SLC16A7: variants seen among roughly 807,000 people sequenced by gnomAD.
SLC16A7 encodes monocarboxylate transporter 2.
In SLC16A7, 33 loss-of-function variants were observed where a neutral mutation model predicts 34.9. That is an observed-to-expected ratio of 0.94 (90% confidence interval 0.72 to 1.26). The LOEUF is 1.26. Among genes scored for constraint, SLC16A7 ranks in the 50% most tolerant of loss-of-function variants. The pLI is 0.00. For synonymous variants in SLC16A7, 201 were observed against 206.6 expected, an observed-to-expected ratio of 0.97 and a Z score of 0.23; for missense variants, 573 against 578.1, an observed-to-expected ratio of 0.99 and a Z score of 0.09.
chr12:59,673,592 T>C (rs1027561465), intron 2 of SLC16A7, among the ~76,000 whole-genome samples: 1 of 152,002 alleles, frequency 6.6e-6, no homozygotes, highest in African/African-American at 2.4e-5. Flanking sequence ...CAGCCTAACA[T>C]CATAGGAGTG....
At chr12:59,769,901 T>A (rs953108917) in intron 3 of SLC16A7, among the ~76,000 whole-genome samples, 2 of 152,022 alleles carry the variant, frequency 1.3e-5, no homozygotes, top group African/African-American at 4.8e-5. Context: ...GTCCCTAGTT[T>A]CAGATGAAAT....
At chr12:59,670,551 G>A (rs567703565) in intron 2 of SLC16A7, among the ~76,000 whole-genome samples, 1 of 152,176 alleles carries the variant, frequency 6.6e-6, no homozygotes, top group South Asian at 2.1e-4. Flanking sequence ...TGAGATTTGG[G>A]GTACAGCCCA....
intron 3 of SLC16A7, among the ~76,000 whole-genome samples, chr12:59,749,543 T>C (rs931590902): frequency 2.0e-5 from 3 of 152,190 alleles, no homozygotes; most frequent in East Asian, 1.9e-4. Flanking sequence ...ATAGCACCTT[T>C]AAGGCTCATT....
chr12:59,623,137 C>A (rs12821865), intron 1 of SLC16A7, among the ~76,000 whole-genome samples: 1 of 146,272 alleles, frequency 6.8e-6, no homozygotes, highest in African/African-American at 2.5e-5. Flanking sequence ...TTATTCTGTT[C>A]CTTGTTAAAT....
At chr12:59,667,738 C>G (rs1021554699) in intron 2 of SLC16A7, among the ~76,000 whole-genome samples, 23 of 152,312 alleles carry the variant, frequency 1.5e-4, no homozygotes, top group African/African-American at 5.5e-4. Context: ...ATGCTAATCA[C>G]CAAGACAATG....
intron 3 of SLC16A7, among the ~76,000 whole-genome samples, chr12:59,731,153 T>A (rs887016088): frequency 6.6e-6 from 1 of 152,180 alleles, no homozygotes. Context: ...AGCTTAAATA[T>A]GTATATACTT....
intron 3 of SLC16A7, among the ~76,000 whole-genome samples, chr12:59,735,416 G>A (rs773896948): frequency 1.3e-5 from 2 of 152,292 alleles, no homozygotes; most frequent in East Asian, 1.9e-4. Context: ...ATGATGGGGA[G>A]CCTGTGGCTT....
At position 59,758,278 on chromosome 12, in the gene SLC16A7, G is replaced by T. The variant is rs182154071; in HGVS notation, c.218-12941G>T. Among the ~76,000 whole-genome samples, 239 of 152,102 alleles carry T rather than the reference G, an allele frequency of 1.6e-3. 1 individual carries two copies. The highest frequency in any genetic ancestry group is 6.8e-3 in the Middle Eastern group (2 of 292). Reference sequence around the variant, plus strand: ...CACAGTAAAATAAATTTTTCAGAAAGATTTTAGAAAACTTAGGAATAATTA... The same window carrying T: ...CACAGTAAAATAAATTTTTCAGAAATATTTTAGAAAACTTAGGAATAATTA... On this transcript the variant is annotated intron_variant, in intron 3 of 5. Transcript: ENST00000547379.
chr12:59,744,245 C>G (rs980851242), intron 3 of SLC16A7, among the ~76,000 whole-genome samples: 1 of 151,826 alleles, frequency 6.6e-6, no homozygotes, highest in Non-Finnish European at 1.5e-5. Context: ...CACCCATAAC[C>G]CCCCACCCAG....
chr12:59,616,706 T>A (rs997722928), intron 1 of SLC16A7, among the ~76,000 whole-genome samples: 3 of 152,130 alleles, frequency 2.0e-5, no homozygotes, highest in Non-Finnish European at 2.9e-5. Context: ...TGGGTAACTT[T>A]TATTCTGGAA....
intron 2 of SLC16A7, among the ~76,000 whole-genome samples, chr12:59,668,177 C>T (rs1869365805): frequency 6.6e-6 from 1 of 152,144 alleles, no homozygotes; most frequent in Non-Finnish European, 1.5e-5. Context: ...CACAGAGTCC[C>T]CACTGGGGCA....
Position 59,697,984 on chromosome 12 carries a change from A to G in SLC16A7, c.-30-6788A>G, listed in dbSNP as rs575018870. On this transcript the variant is annotated intron_variant, in intron 2 of 5. Transcript: ENST00000547379. Reference sequence around the variant, plus strand: ...GGTACAATAATTGACTTGTTATCTTAGACTCTGATGGGAAAGATGGGTAGT... The same window carrying G: ...GGTACAATAATTGACTTGTTATCTTGGACTCTGATGGGAAAGATGGGTAGT... 6.6e-5 allele frequency among the ~76,000 whole-genome samples: 10 copies of G among 151,948 alleles called. No homozygotes were observed. The South Asian group carries it at 2.1e-3, about 31-fold the overall frequency.
intron 3 of SLC16A7, among the ~76,000 whole-genome samples, chr12:59,736,919 C>T (rs1034816814): frequency 3.9e-5 from 6 of 152,218 alleles, no homozygotes; most frequent in Non-Finnish European, 8.8e-5. Flanking sequence ...CATCTGTTCT[C>T]TACACCCTCA....
intron 1 of SLC16A7, among the ~76,000 whole-genome samples, chr12:59,605,719 T>A (rs938120331): frequency 1.3e-5 from 2 of 152,232 alleles, no homozygotes; most frequent in Admixed American, 1.3e-4. Flanking sequence ...TGAGCCAATT[T>A]TTTTTGTAGA....
intron 2 of SLC16A7, among the ~76,000 whole-genome samples, chr12:59,687,478 A>C (rs1037409295): frequency 3.3e-5 from 5 of 152,120 alleles, no homozygotes; most frequent in African/African-American, 1.2e-4. Context: ...TGTTTAACAT[A>C]ACTTGCCATT....
intron 2 of SLC16A7, among the ~76,000 whole-genome samples, chr12:59,704,210 AAAAAAAAAGAAAAAGAAAAAAAAAAG>A: frequency 7.0e-6 from 1 of 142,448 alleles, no homozygotes; most frequent in African/African-American, 2.7e-5. Flanking sequence ...AAAAAAAAAA[AAAAAAAAAGAAAAAGAAAAAAAAAAG>A]AAAAAGAAAA....
chr12:59,665,163 G>T (rs150475877), intron 2 of SLC16A7, among the ~76,000 whole-genome samples: 6 of 152,150 alleles, frequency 3.9e-5, no homozygotes, highest in Admixed American at 2.0e-4. Context: ...GATGGGAAGA[G>T]AATTTTTACA....
At chr12:59,665,696 G>C (rs1279561637) in intron 2 of SLC16A7, among the ~76,000 whole-genome samples, 1 of 151,938 alleles carries the variant, frequency 6.6e-6, no homozygotes, top group African/African-American at 2.4e-5. Flanking sequence ...TCAACATAGA[G>C]AGATGCATTG....
chr12:59,778,679 T>A (rs1431818465), intron 5 of SLC16A7, among the ~76,000 whole-genome samples: 1 of 144,278 alleles, frequency 6.9e-6, no homozygotes, highest in Non-Finnish European at 1.5e-5. Context: ...GTTTTTTTAC[T>A]GATTAGTTTC....
Sources: allele counts gnomAD v4.1 joint callset (sites outside exome capture counted in the v4.1 genomes callset), GRCh38; gene constraint gnomAD v4.1.1; transcripts MANE v1.5; gene names NCBI Gene and HGNC (gene_info 2026-07-23, HGNC 2026-07-21).